The following AHNAK variants were observed in gnomAD, a reference collection of about 807,000 sequenced individuals.
The protein encoded by AHNAK is AHNAK nucleoprotein.
In AHNAK, 23 loss-of-function variants were observed where a neutral mutation model predicts 37.8. The observed-to-expected ratio is 0.61, with a 90% confidence interval of 0.44 to 0.86. AHNAK has a LOEUF of 0.86. AHNAK is among the 40% of genes least tolerant of loss of function. AHNAK has a pLI of 0.00. For synonymous variants in AHNAK, 2,481 were observed against 2,636.3 expected, an observed-to-expected ratio of 0.94 and a Z score of 1.80; for missense variants, 7,411 against 7,319.4, an observed-to-expected ratio of 1.01 and a Z score of -0.46.
chr11:62,504,218 A>G (rs1258533908), intron 4 of AHNAK, among the ~76,000 whole-genome samples: 1 of 151,908 alleles, frequency 6.6e-6, no homozygotes, highest in African/African-American at 2.4e-5. Context: ...GAGAGAGAGA[A>G]AGAAAGAGAG....
At position 62,529,845 on chromosome 11, in the gene AHNAK, T is replaced by A. The variant is rs777841976; in HGVS notation, c.4572A>T (p.Lys1524Asn). 5.6e-6 allele frequency: 9 copies of A among 1,614,080 alleles called. No individual in the cohort carries two copies. The South Asian group carries it at 8.8e-5, about 16-fold the overall frequency. Residue 1524 changes from lysine (K) to asparagine (N), a missense_variant, in exon 5 of 5, where the codon AAA becomes AAT. Transcript: ENST00000378024. ...TCATATCCACCTCTGGGCCCTCTCC[T>A]TTAAAGCCAGGCATGCTGAACTTGG... ...KMPKFSMPGF[K>N]GEGPEVDMNL... is the part of the protein sequence containing the mutation.
chr11:62,454,178 C>T (rs1938602223), intron 5 of AHNAK, among the ~76,000 whole-genome samples: 1 of 151,068 alleles, frequency 6.6e-6, no homozygotes, highest in Non-Finnish European at 1.5e-5. Context: ...CTTTGGGAGG[C>T]GGAGGCGGGC....
At chr11:62,497,048 A>T (rs1387920564) in intron 4 of AHNAK, among the ~76,000 whole-genome samples, 1 of 152,196 alleles carries the variant, frequency 6.6e-6, no homozygotes, top group Non-Finnish European at 1.5e-5. Flanking sequence ...TATCTGTGGA[A>T]AATATTATAC....
intron 5 of AHNAK, among the ~76,000 whole-genome samples, chr11:62,447,093 G>C (rs1024797143): frequency 6.6e-6 from 1 of 152,106 alleles, no homozygotes; most frequent in African/African-American, 2.4e-5. Context: ...AGTCCACTAA[G>C]TGTCACATCT....
In AHNAK at chr11:62,518,219, T is replaced by C; in HGVS notation, c.16198A>G (p.Ser5400Gly). 6.2e-7 allele frequency: 1 copy of C among 1,614,204 alleles called. No individual in the cohort carries two copies. Among genetic ancestry groups the C allele is most frequent in the Admixed American group, 1.7e-5 (1 of 60,022 alleles). Residue 5400 changes from serine to glycine, a missense_variant, in exon 5 of 5, where the codon AGC (serine) becomes GGC (glycine). Transcript: ENST00000378024. ...AGCTTCATTTTGGGAAGTTTAATGC[T>C]GCCTTCGGATGCCTCCAAGCTTAGA... ...PDLSLEASEG[S>G]IKLPKMKLPQ...
Position 62,475,847 on chromosome 11 carries a change from C to T in AHNAK, c.442+15885G>A, listed in dbSNP as rs984159120. Among the ~76,000 whole-genome samples, 15 of 151,880 alleles carry T rather than the reference C, an allele frequency of 9.9e-5. No individual in the cohort carries two copies. In the South Asian group the frequency reaches 1.5e-3, roughly 15 times the overall value. On this transcript the variant is annotated intron_variant, in intron 5 of 5. Transcript: ENST00000257247. ...CTCGAGCTCCTGACCTCAGGTGATC[C>T]GCCCGCCTCAGTCTCCCAAAGTGCT...
chr11:62,519,049 T>C lies in AHNAK; in HGVS notation c.15368A>G (p.Glu5123Gly). The C allele has an allele frequency of 1.2e-6, 2 of 1,613,218 alleles. No homozygotes were observed. The highest frequency in any genetic ancestry group is 1.3e-5 in the African/African-American group (1 of 74,986). The change falls in exon 5 of 5, where the codon GAA (glutamate) becomes GGA (glycine). Residue 5123 changes from glutamate to glycine, a missense_variant. Coordinates refer to ENST00000378024, the MANE Select transcript of AHNAK (RefSeq NM_001620.3). ...LEGELQAPDL[E>G]LSLPAIHVEG... The stretch of plus-strand genomic sequence containing the variant: ...GACGTGAATCGCTGGCAAAGAAAGT[T>C]CCAGATCAGGTGCCTGGAGTTCACC...
intron 1 of AHNAK, 75 bp downstream of exon 1, chr11:62,546,585 C>G (rs1036777612): frequency 1.3e-5 from 2 of 152,334 alleles, no homozygotes; most frequent in African/African-American, 2.4e-5. Flanking sequence ...GCCGGAGCAC[C>G]GCAACCCACC....
intron 5 of AHNAK, among the ~76,000 whole-genome samples, chr11:62,442,914 T>G (rs1938339722): frequency 6.6e-6 from 1 of 151,576 alleles, no homozygotes; most frequent in South Asian, 2.1e-4. Context: ...GAGAATGGCA[T>G]GTGGATGAGG....
intron 2 of AHNAK, 114 bp from the exon 3 acceptor site, chr11:62,536,212 A>G: frequency 5.2e-6 from 6 of 1,156,098 alleles, no homozygotes; most frequent in Non-Finnish European, 7.1e-6. Flanking sequence ...GCCCTCAGCA[A>G]TGCACCTGCC....
intron 5 of AHNAK, among the ~76,000 whole-genome samples, chr11:62,435,479 T>C (rs559139661): frequency 1.1e-4 from 17 of 152,260 alleles, no homozygotes; most frequent in Admixed American, 3.9e-4. Flanking sequence ...GGCGCGATCT[T>C]GGCTCACTGC....
chr11:62,483,041 C>T (rs1939307371), intron 5 of AHNAK, among the ~76,000 whole-genome samples: 1 of 152,170 alleles, frequency 6.6e-6, no homozygotes, highest in African/African-American at 2.4e-5. Flanking sequence ...ATTTGAACGA[C>T]ATGGTTTCAC....
intron 5 of AHNAK, among the ~76,000 whole-genome samples, chr11:62,455,056 C>T (rs1938628242): frequency 6.6e-6 from 1 of 151,750 alleles, no homozygotes; most frequent in Admixed American, 6.6e-5. Flanking sequence ...CCTTAGCCTC[C>T]CCAGTAGTTG....
exon 6 of AHNAK, chr11:62,433,756 A>C: frequency 7.4e-7 from 1 of 1,348,374 alleles, no homozygotes; most frequent in Non-Finnish European, 1.0e-6. Context: ...CGCGGAAGGT[A>C]TTCCTTTAAC....
rs964908133 is a variant in AHNAK, at chr11:62,524,012, C to G, written c.10405G>C (p.Asp3469His). The change falls in exon 5 of 5, where the codon GAC (aspartate) becomes CAC (histidine). Residue 3469 changes from aspartate (D) to histidine (H), a missense_variant. Coordinates refer to ENST00000378024, the MANE Select transcript of AHNAK (RefSeq NM_001620.3). ...NAPDVDVHGPDWNLKMPKMKM... is the reference protein window; with the variant it reads ...NAPDVDVHGPHWNLKMPKMKM... ...ATCTTGGGCATTTTCAGATTCCAGT[C>G]TGGACCATGAACATCCACATCAGGT... The G allele has an allele frequency of 6.2e-7, 1 of 1,614,036 alleles. No homozygotes were observed. Among genetic ancestry groups the G allele is most frequent in the Non-Finnish European group, 8.5e-7 (1 of 1,180,034 alleles).
chr11:62,498,083 G>T (rs1283263621), intron 4 of AHNAK, among the ~76,000 whole-genome samples: 1 of 152,178 alleles, frequency 6.6e-6, no homozygotes, highest in African/African-American at 2.4e-5. Context: ...AGGTAGGTCT[G>T]TTTTCACCTA....
intron 5 of AHNAK, among the ~76,000 whole-genome samples, chr11:62,473,820 AC>A (rs1044268414): frequency 6.6e-6 from 1 of 151,716 alleles, no homozygotes; most frequent in Non-Finnish European, 1.5e-5. Flanking sequence ...ACATGGTGAG[AC>A]CCCCACCTCT....
chr11:62,476,263 G>C (rs1939144456), intron 5 of AHNAK, among the ~76,000 whole-genome samples: 1 of 152,082 alleles, frequency 6.6e-6, no homozygotes, highest in Admixed American at 6.5e-5. Flanking sequence ...GTGGCGCATG[G>C]CTATAATTCC....
Position 62,524,828 on chromosome 11 carries a change from C to T in AHNAK, c.9589G>A (p.Gly3197Ser). 6.2e-7 allele frequency: 1 copy of T among 1,614,200 alleles called. No individual in the cohort carries two copies. The highest frequency in any genetic ancestry group is 8.5e-7 in the Non-Finnish European group (1 of 1,180,052). Reference sequence around the variant, plus strand: ...GGGCCCTTCAGTTTCGCATCTGGACCTTCAATATTCACATCTGGAACATCA... The same window carrying T: ...GGGCCCTTCAGTTTCGCATCTGGACTTTCAATATTCACATCTGGAACATCA... ...DVDVPDVNIE[G>S]PDAKLKGPKF... is the part of the protein sequence containing the mutation. Residue 3197 changes from glycine to serine, a missense_variant, in exon 5 of 5, where the codon GGT (glycine) becomes AGT (serine). Coordinates refer to ENST00000378024, the MANE Select transcript of AHNAK (RefSeq NM_001620.3).
Sources: allele counts gnomAD v4.1 joint callset (sites outside exome capture counted in the v4.1 genomes callset), GRCh38; gene constraint gnomAD v4.1.1; transcripts MANE v1.5; gene names NCBI Gene and HGNC (gene_info 2026-07-23, HGNC 2026-07-21).